Variants in URGCP observed in about 807,000 individuals in gnomAD.
URGCP encodes the protein upregulator of cell proliferation.
Under a neutral mutation model 24.6 loss-of-function variants are expected in URGCP, and 13 were observed. The observed-to-expected ratio is 0.53, with a 90% CI of 0.34 to 0.84. The LOEUF (loss-of-function observed/expected upper bound fraction) is 0.84, where lower values mean the gene tolerates loss of function less well. Ranked by LOEUF, URGCP falls within the 40% of genes least tolerant of loss-of-function variation. URGCP has a pLI of 0.01. For synonymous variants in URGCP, 444 were observed against 487.2 expected, an observed-to-expected ratio of 0.91 and a Z score of 1.17; for missense variants, 899 against 1,194.3, an observed-to-expected ratio of 0.75 and a Z score of 3.64.
upstream of URGCP, among the ~76,000 whole-genome samples, chr7:43,910,382 ATTTTTTTTTTT>A (rs1158648185): frequency 1.2e-4 from 11 of 90,102 alleles, no homozygotes; most frequent in South Asian, 5.0e-4. Flanking sequence ...TGTCTGGCTA[ATTTTTTTTTTT>A]TTTTTTTTTT....
intron 1 of URGCP, among the ~76,000 whole-genome samples, chr7:43,890,861 C>T (rs1241608681): frequency 1.3e-5 from 2 of 152,256 alleles, no homozygotes; most frequent in South Asian, 2.1e-4. Context: ...ACCCTACTTC[C>T]GGCAGGTCTG....
In URGCP at chr7:43,881,473, G is replaced by GGTTTT. The variant is rs1449435448; in HGVS notation, c.202+181_202+185dup. 8.2e-5 allele frequency among the ~76,000 whole-genome samples: 12 copies of GGTTTT among 146,496 alleles called. No individual in the cohort carries two copies. The South Asian group carries it at 2.5e-3, about 31-fold the overall frequency. ...TCTATGTGGTTAGCAAGCTTCCCAG[G>GGTTTT]GTTTTTTTTTTTTTTTTTTTTTAGC... is the stretch of plus-strand genomic sequence containing the variant. On this transcript the variant is annotated intron_variant, in intron 5 of 5. Transcript: ENST00000453200.
intron 1 of URGCP, among the ~76,000 whole-genome samples, chr7:43,902,958 G>T (rs775886167): frequency 3.3e-5 from 5 of 152,126 alleles, no homozygotes; most frequent in Non-Finnish European, 7.4e-5. Flanking sequence ...ACTGAATAAT[G>T]TAACCATGCC....
intron 5 of URGCP, chr7:43,881,042 C>G: frequency 1.6e-6 from 1 of 617,366 alleles, no homozygotes; most frequent in Non-Finnish European, 2.9e-6. Context: ...GTTACAAAAA[C>G]AAAAGTACTA....
chr7:43,906,422 T>TGGGCCTGGC (rs1222883967), intron 1 of URGCP, 140 bp downstream of exon 1: 1,139 of 949,430 alleles, frequency 1.2e-3, no homozygotes, highest in Non-Finnish European at 1.4e-3. Flanking sequence ...GTGGGCCTGG[T>TGGGCCTGGC]GGGCCTGGCG....
intron 1 of URGCP, 94 bp downstream of exon 1, chr7:43,906,468 C>G (rs1353668774): frequency 9.1e-7 from 1 of 1,093,108 alleles, no homozygotes; most frequent in East Asian, 5.5e-5. Flanking sequence ...GGGCCGCATC[C>G]CAGACCAGAG....
Position 43,878,986 on chromosome 7 carries a change from G to A in URGCP, c.477C>T (p.Asp159=). 1 of 1,614,214 alleles carries A rather than the reference G, an allele frequency of 6.2e-7. No homozygotes were observed. Among genetic ancestry groups the A allele is most frequent in the Non-Finnish European group, 8.5e-7 (1 of 1,180,042 alleles). Residue 159 remains aspartate, a synonymous_variant, in exon 6 of 6, where the codon GAC becomes GAT. Transcript: ENST00000453200. The surrounding 1 kb of genome is among the most constrained non-coding windows in gnomAD (Gnocchi z 5.6). ...TGTCGGCAGCAAGGTCATCAGCTGG[G>A]TCCCAGTAGATGATCTCCTCTTCCA... ...SQMEEEIIYW[D]PADDLAADIY... is the part of the protein sequence containing the mutation.
At position 43,881,687 on chromosome 7, in the gene URGCP, AT is replaced by A; in HGVS notation, c.173del (p.Asn58MetfsTer25). ...TTGGAAAATCATTGTCCTGAGCCTC[AT>A]TTGTACCATCTATGGAAAAAGCAAT... The part of the protein sequence containing the change: ...DCEFRYGDGT[N>X]EAQDNDFPTV... On this transcript the variant is annotated frameshift_variant, in exon 5 of 6. Transcript: ENST00000453200. LOFTEE classifies it low-confidence loss of function (END_TRUNC). 1 of 1,614,100 alleles carries A rather than the reference AT, an allele frequency of 6.2e-7. No homozygotes were observed. Among genetic ancestry groups the A allele is most frequent in the Non-Finnish European group, 8.5e-7 (1 of 1,180,016 alleles).
At chr7:43,883,362 ATTTTTTT>A (rs34217938) in intron 3 of URGCP, among the ~76,000 whole-genome samples, 1 of 88,288 alleles carries the variant, frequency 1.1e-5, no homozygotes, top group East Asian at 2.8e-4. Flanking sequence ...ATATATATAT[ATTTTTTT>A]TTTTTTTTTG....
chr7:43,892,423 T>C (rs79112558), intron 1 of URGCP, among the ~76,000 whole-genome samples: 1 of 139,130 alleles, frequency 7.2e-6, no homozygotes, highest in Non-Finnish European at 1.5e-5. Context: ...ACAGCCCCAA[T>C]TTTTTTTTTT....
intron 1 of URGCP, among the ~76,000 whole-genome samples, chr7:43,899,227 TTA>T (rs961059896): frequency 4.1e-5 from 6 of 147,482 alleles, no homozygotes; most frequent in African/African-American, 7.4e-5. Flanking sequence ...ATATTTATAT[TTA>T]TATATATAAT....
At chr7:43,898,096 G>GA (rs1258237236) in intron 1 of URGCP, among the ~76,000 whole-genome samples, 8 of 152,108 alleles carry the variant, frequency 5.3e-5, no homozygotes, top group Admixed American at 5.2e-4. Flanking sequence ...GTATAGGAGA[G>GA]ACCACTGTCG....
At chr7:43,904,010 C>T (rs142369179) in intron 1 of URGCP, among the ~76,000 whole-genome samples, 1,896 of 152,312 alleles carry the variant, frequency 0.012, 40 homozygotes, top group African/African-American at 0.043. Context: ...GAGGCCTGTT[C>T]GAAAGAGGGG....
intron 1 of URGCP, among the ~76,000 whole-genome samples, chr7:43,903,571 A>C (rs1011553077): frequency 1.3e-5 from 2 of 152,216 alleles, no homozygotes; most frequent in Admixed American, 6.5e-5. Context: ...ACCCAGGTTA[A>C]AGAAACTTGA....
At position 43,876,721 on chromosome 7, in the gene URGCP, C is replaced by G. The variant is rs770342092; in HGVS notation, c.2742G>C (p.Leu914Phe). 1 of 1,613,888 alleles carries G rather than the reference C, an allele frequency of 6.2e-7. No individual in the cohort carries two copies. The highest frequency in any genetic ancestry group is 2.2e-5 in the East Asian group (1 of 44,754). Reference sequence around the variant, plus strand: ...GCTGGATGTTTTTGTTTTGGTTCGACAAGCCGTTCCTGATGTTTTCGAGTA... The same window carrying G: ...GCTGGATGTTTTTGTTTTGGTTCGAGAAGCCGTTCCTGATGTTTTCGAGTA... ...RCLLENIRNG[L>F]SNQNKNIQQL... The change falls in exon 6 of 6, where the codon TTG becomes TTC. Residue 914 changes from leucine (L) to phenylalanine (F), a missense_variant. By Grantham distance (22) the Leu-to-Phe change is conservative (BLOSUM62 0). Coordinates refer to ENST00000453200, the MANE Select transcript of URGCP (RefSeq NM_001077663.3).
intron 1 of URGCP, among the ~76,000 whole-genome samples, chr7:43,902,734 G>A (rs1040310484): frequency 2.0e-5 from 3 of 152,158 alleles, no homozygotes; most frequent in Admixed American, 6.5e-5. Flanking sequence ...GTGTTGGGAG[G>A]TACAGAGAAT....
chr7:43,886,375 C>CT (rs1016051163), intron 3 of URGCP, among the ~76,000 whole-genome samples: 27 of 149,186 alleles, frequency 1.8e-4, no homozygotes, highest in South Asian at 8.5e-4. Flanking sequence ...CAATAGAACA[C>CT]TTTTTTTTTT....
At chr7:43,898,746 A>AAAAT (rs71563928) in intron 1 of URGCP, among the ~76,000 whole-genome samples, 11,598 of 143,778 alleles carry the variant, frequency 0.081, 569 homozygotes, top group African/African-American at 0.12. Flanking sequence ...CCCTGTCTCA[A>AAAAT]AAATAAATAA....
Position 43,876,380 on chromosome 7 carries a change from G to C in URGCP, c.*287C>G. ...GTGACAGAGAGCAGCTATACAGAGG[G>C]CCCACCCCGCAGGATCCTTGACAGG... On this transcript the variant is annotated 3_prime_UTR_variant, in exon 6 of 6. Coordinates refer to ENST00000453200, the MANE Select transcript of URGCP (RefSeq NM_001077663.3). 2.4e-6 allele frequency: 1 copy of C among 419,558 alleles called. No homozygotes were observed. The highest frequency in any genetic ancestry group is 4.4e-6 in the Non-Finnish European group (1 of 229,748). 26.0% of individuals were successfully genotyped at this position (419,558 alleles called of 1,614,324 possible). A position where few individuals can be genotyped will look rare whatever the true frequency, so the allele number is the denominator to read the frequency against.
Sources: allele counts gnomAD v4.1 joint callset (sites outside exome capture counted in the v4.1 genomes callset), GRCh38; gene constraint gnomAD v4.1.1; non-coding constraint Gnocchi (gnomAD v3.1); transcripts MANE v1.5; gene names NCBI Gene and HGNC (gene_info 2026-07-23, HGNC 2026-07-21).